The following DENND1A variants were observed in gnomAD, a reference collection of about 807,000 sequenced individuals.
DENND1A encodes DENN domain-containing protein 1A.
A neutral mutation model predicts 113.7 loss-of-function variants in DENND1A; 51 were observed. The observed-to-expected ratio is 0.45, with a 90% CI of 0.36 to 0.57. The LOEUF (loss-of-function observed/expected upper bound fraction) is 0.57, where lower values mean the gene tolerates loss of function less well. Among genes scored for constraint, DENND1A ranks in the 20% least tolerant of loss-of-function variants. The pLI is 0.00. For synonymous variants in DENND1A, 565 were observed against 570.8 expected (o/e 0.99, Z 0.14); for missense variants, 1,258 against 1,395.9 (o/e 0.90, Z 1.57).
intron 19 of DENND1A, among the ~76,000 whole-genome samples, chr9:123,430,380 T>C (rs1214665101): frequency 1.3e-5 from 2 of 152,168 alleles, no homozygotes; most frequent in African/African-American, 4.8e-5. Flanking sequence ...TAAAGATACA[T>C]GCACATGTCA....
intron 2 of DENND1A, among the ~76,000 whole-genome samples, chr9:123,819,331 G>A (rs79521326): frequency 5.9e-5 from 9 of 151,998 alleles, no homozygotes; most frequent in East Asian, 3.9e-4. Flanking sequence ...CTCACAAATC[G>A]GAATTCTTGC....
intron 2 of DENND1A, among the ~76,000 whole-genome samples, chr9:123,808,218 C>G (rs1003047652): frequency 6.6e-6 from 1 of 151,900 alleles, no homozygotes; most frequent in African/African-American, 2.4e-5. Flanking sequence ...AAGAGCAAAA[C>G]TCCGTCTCCA....
At chr9:123,926,007 A>C (rs868088503) in intron 1 of DENND1A, among the ~76,000 whole-genome samples, 13 of 152,110 alleles carry the variant, frequency 8.5e-5, no homozygotes, top group African/African-American at 2.7e-4. Flanking sequence ...ACTGCCACAT[A>C]GTTTCCTGCT....
intron 1 of DENND1A, among the ~76,000 whole-genome samples, chr9:123,903,514 G>C (rs1266091441): frequency 1.3e-5 from 2 of 152,044 alleles, no homozygotes; most frequent in Non-Finnish European, 2.9e-5. Context: ...AGTGGGTGCG[G>C]GCACCGTGCA....
intron 13 of DENND1A, among the ~76,000 whole-genome samples, chr9:123,553,080 C>T (rs773558442): frequency 6.6e-6 from 1 of 152,046 alleles, no homozygotes; most frequent in Non-Finnish European, 1.5e-5. Flanking sequence ...CATAGCAAGA[C>T]CTTATCTCTA....
chr9:123,636,549 T>A (rs2061711378), intron 9 of DENND1A, among the ~76,000 whole-genome samples: 2 of 152,162 alleles, frequency 1.3e-5, no homozygotes, highest in Admixed American at 1.3e-4. Flanking sequence ...ACTCCCGAGC[T>A]CAGGTGATCC....
chr9:123,885,775 G>C (rs762724633), intron 1 of DENND1A, among the ~76,000 whole-genome samples: 15 of 152,170 alleles, frequency 9.9e-5, no homozygotes, highest in Admixed American at 2.0e-4. Flanking sequence ...CAGTGCTCAG[G>C]ACCATGTTCT....
chr9:123,904,592 G>A (rs1852401180), intron 1 of DENND1A, among the ~76,000 whole-genome samples: 1 of 148,174 alleles, frequency 6.7e-6, no homozygotes, highest in African/African-American at 2.6e-5. Context: ...AGGAGCCGAT[G>A]CAATCAACTG....
At chr9:123,673,500 C>T (rs1455455425) in intron 6 of DENND1A, among the ~76,000 whole-genome samples, 1 of 152,188 alleles carries the variant, frequency 6.6e-6, no homozygotes. Context: ...CTTATACTTT[C>T]CCTGCCTCAG....
chr9:123,410,285 C>G (rs1256611356), intron 20 of DENND1A, among the ~76,000 whole-genome samples: 3 of 152,296 alleles, frequency 2.0e-5, no homozygotes, highest in South Asian at 4.1e-4. Flanking sequence ...GTCGGCCCCC[C>G]AAATCTGTAC....
intron 2 of DENND1A, among the ~76,000 whole-genome samples, chr9:123,856,675 G>A (rs1451700040): frequency 1.3e-5 from 2 of 152,034 alleles, no homozygotes; most frequent in Non-Finnish European, 2.9e-5. Context: ...AGTGAAGAGA[G>A]CACCCACACA....
At chr9:123,765,915 T>G (rs1828725642) in intron 4 of DENND1A, among the ~76,000 whole-genome samples, 1 of 152,168 alleles carries the variant, frequency 6.6e-6, no homozygotes, top group African/African-American at 2.4e-5. Flanking sequence ...CCCTGTAAAT[T>G]ATATAGTTGT....
chr9:123,873,454 A>C (rs1026394513), intron 2 of DENND1A, among the ~76,000 whole-genome samples: 3 of 152,232 alleles, frequency 2.0e-5, no homozygotes, highest in African/African-American at 7.2e-5. Flanking sequence ...AGACATTAAA[A>C]GCAATCAATG....
intron 21 of DENND1A, among the ~76,000 whole-genome samples, chr9:123,392,521 C>T (rs890775447): frequency 1.4e-4 from 22 of 152,162 alleles, no homozygotes; most frequent in African/African-American, 5.1e-4. Context: ...CAGGTGCTGA[C>T]GAGCAGGGAC....
At chr9:123,814,346 G>A (rs2132497719) in intron 2 of DENND1A, among the ~76,000 whole-genome samples, 1 of 152,120 alleles carries the variant, frequency 6.6e-6, no homozygotes, top group African/African-American at 2.4e-5. Flanking sequence ...CTAACTTATT[G>A]AGAATATCAT....
At chr9:123,591,746 A>G (rs2059465925) in intron 11 of DENND1A, among the ~76,000 whole-genome samples, 1 of 152,236 alleles carries the variant, frequency 6.6e-6, no homozygotes, top group Admixed American at 6.5e-5. Flanking sequence ...TCTGCCTGGC[A>G]GCAGATGTCA....
chr9:123,499,655 C>G (rs981000285), intron 13 of DENND1A, among the ~76,000 whole-genome samples: 1 of 152,182 alleles, frequency 6.6e-6, no homozygotes, highest in Non-Finnish European at 1.5e-5. Context: ...TGCAATTTAC[C>G]GCCAAACCCA....
In DENND1A at chr9:123,546,168, C is replaced by T. The variant is rs371063271; in HGVS notation, c.993+11402G>A. 2.0e-5 allele frequency among the ~76,000 whole-genome samples: 3 copies of T among 152,128 alleles called. No individual in the cohort carries two copies. In the South Asian group the frequency reaches 6.2e-4, roughly 32 times the overall value. On this transcript the variant is annotated intron_variant, in intron 13 of 23. Transcript: ENST00000394215. Reference sequence around the variant, plus strand: ...CCATGCAGCTGCTGGGCTGTGCCTTCGCTTTACATTTACACATTCGTGATG... The same window carrying T: ...CCATGCAGCTGCTGGGCTGTGCCTTTGCTTTACATTTACACATTCGTGATG...
intron 13 of DENND1A, among the ~76,000 whole-genome samples, chr9:123,520,146 T>TC (rs150683896): frequency 0.24 from 11,224 of 47,660 alleles, 2,021 homozygotes; most frequent in African/African-American, 0.29. Flanking sequence ...AGATCCTGTC[T>TC]CAAAAAAAAA....
Sources: gnomAD v4.1 joint callset for allele counts (sites outside exome capture counted in the v4.1 genomes callset) on GRCh38, gnomAD v4.1.1 for gene constraint, MANE v1.5 for transcripts, NCBI Gene and HGNC (gene_info 2026-07-23, HGNC 2026-07-21) for gene names.